CWF19L2: variants seen among roughly 807,000 people sequenced by gnomAD.
CWF19L2 encodes the protein CWF19 like cell cycle control factor 2, also known as CWF19-like protein 2.
CWF19L2 carries 98 observed loss-of-function variants against 111.7 expected under a neutral mutation model. The ratio of observed to expected loss-of-function variants is 0.88; its 90% confidence interval spans 0.75 to 1.04. The LOEUF (loss-of-function observed/expected upper bound fraction) is 1.04, where lower values mean the gene tolerates loss of function less well. Ranked by LOEUF, CWF19L2 falls within the 50% of genes least tolerant of loss-of-function variation. The probability of loss-of-function intolerance (pLI) is 0.00; values close to 1 mark genes in which losing one functional copy is unlikely to be tolerated. For missense variants in CWF19L2, 1,101 were observed against 1,051.4 expected (o/e 1.05, Z -0.65); for synonymous variants, 351 against 342.9 (o/e 1.02, Z -0.26).
chr11:107,352,809 C>A (rs1447808027), intron 13 of CWF19L2, among the ~76,000 whole-genome samples: 1 of 152,066 alleles, frequency 6.6e-6, no homozygotes, highest in Non-Finnish European at 1.5e-5. Context: ...ATACAATAAA[C>A]AACATAAATA....
At chr11:107,392,484 G>A (rs1048553320) in intron 11 of CWF19L2, among the ~76,000 whole-genome samples, 8 of 152,108 alleles carry the variant, frequency 5.3e-5, no homozygotes, top group Non-Finnish European at 1.2e-4. Context: ...AAGAGCTATA[G>A]CAAGTATGCC....
chr11:107,373,199 C>T lies in CWF19L2; in HGVS notation c.1872+16875G>A, dbSNP rs949536732. 7.7e-5 allele frequency among the ~76,000 whole-genome samples: 10 copies of T among 129,782 alleles called. 1 individual carries two copies. In the East Asian group the frequency reaches 2.2e-3, roughly 29 times the overall value. The allele number at this position is 129,782 out of a possible 152,430, so 85.1% of individuals were successfully genotyped here. A position where few individuals can be genotyped will look rare whatever the true frequency, so the allele number is the denominator to read the frequency against. On this transcript the variant is annotated intron_variant, in intron 12 of 17. Coordinates refer to ENST00000282251, the MANE Select transcript of CWF19L2 (RefSeq NM_152434.3). ...GGCGGCAGCGAGGCTAGGGGAGGGG[C>T]GCCTGCCATTGCCCAGGCTTGCTCA...
intron 13 of CWF19L2, 148 bp from the exon 14 acceptor site, chr11:107,349,201 CT>C: frequency 2.6e-6 from 1 of 387,746 alleles, no homozygotes; most frequent in Non-Finnish European, 4.7e-6. Context: ...TTAAGAATTG[CT>C]TTTGCAAATG....
chr11:107,398,149 T>G (rs1007312166), intron 10 of CWF19L2, among the ~76,000 whole-genome samples: 18 of 152,090 alleles, frequency 1.2e-4, no homozygotes, highest in Non-Finnish European at 2.1e-4. Flanking sequence ...TCACACTAGT[T>G]CGCCAGCAAT....
At chr11:107,330,357 T>TA (rs1274855333) in intron 16 of CWF19L2, among the ~76,000 whole-genome samples, 1 of 152,160 alleles carries the variant, frequency 6.6e-6, no homozygotes, top group Non-Finnish European at 1.5e-5. Flanking sequence ...AAATAGAGAA[T>TA]AAGTATATGC....
chr11:107,398,011 A>G (rs1860948748), intron 10 of CWF19L2, among the ~76,000 whole-genome samples: 1 of 152,182 alleles, frequency 6.6e-6, no homozygotes, highest in African/African-American at 2.4e-5. Flanking sequence ...AAAAGAATCT[A>G]AACAATAGCC....
At chr11:107,402,873 G>GTGTGTGTATATATATATATATA (rs1247886311) in intron 10 of CWF19L2, among the ~76,000 whole-genome samples, 9 of 94,452 alleles carry the variant, frequency 9.5e-5, no homozygotes, top group African/African-American at 4.3e-4. Context: ...ACTGTGGTGT[G>GTGTGTGTATATATATATATATA]TATATATATA....
intron 3 of CWF19L2, among the ~76,000 whole-genome samples, chr11:107,445,971 G>A (rs913902443): frequency 2.0e-5 from 3 of 152,152 alleles, no homozygotes; most frequent in Non-Finnish European, 4.4e-5. Flanking sequence ...AAAAAAAAGA[G>A]CATCTTCTTT....
In CWF19L2 at chr11:107,372,652, G is replaced by C. The variant is rs1315322181; in HGVS notation, c.1872+17422C>G. On this transcript the variant is annotated intron_variant, in intron 12 of 17. Transcript: ENST00000282251. ...CATTTTGAACAAAAAAATTATTCTG[G>C]TTTCAGTGAGATAAGAGTTAAGAAA... 2.9e-5 allele frequency among the ~76,000 whole-genome samples: 4 copies of C among 136,114 alleles called. 1 individual carries two copies. Among genetic ancestry groups the C allele is most frequent in the Non-Finnish European group, 4.7e-5 (3 of 63,834 alleles). The allele number at this position is 136,114 out of a possible 152,430, so 89.3% of individuals were successfully genotyped here. A position where few individuals can be genotyped will look rare whatever the true frequency, so the allele number is the denominator to read the frequency against.
chr11:107,411,770 C>T (rs1365616450), intron 10 of CWF19L2, among the ~76,000 whole-genome samples: 2 of 152,050 alleles, frequency 1.3e-5, no homozygotes, highest in Admixed American at 1.3e-4. Flanking sequence ...ATCAAAAACA[C>T]TGGTTTTTCT....
chr11:107,451,466 T>C (rs1449763540), intron 3 of CWF19L2, among the ~76,000 whole-genome samples: 5 of 150,650 alleles, frequency 3.3e-5, no homozygotes, highest in African/African-American at 9.9e-5. Context: ...ATCAATGAAA[T>C]AGAAAACACA....
At chr11:107,402,781 G>T (rs567303707) in intron 10 of CWF19L2, among the ~76,000 whole-genome samples, 1 of 149,826 alleles carries the variant, frequency 6.7e-6, no homozygotes, top group Non-Finnish European at 1.5e-5. Context: ...ACTTGTACAC[G>T]CATGTTTATT....
chr11:107,343,064 G>T (rs1860028364), intron 14 of CWF19L2, among the ~76,000 whole-genome samples: 1 of 152,160 alleles, frequency 6.6e-6, no homozygotes, highest in Non-Finnish European at 1.5e-5. Context: ...AGAACCATAA[G>T]AAAATACACT....
At chr11:107,368,744 T>G (rs976983236) in intron 12 of CWF19L2, among the ~76,000 whole-genome samples, 1 of 138,346 alleles carries the variant, frequency 7.2e-6, no homozygotes, top group Admixed American at 7.1e-5. Flanking sequence ...ATAGTCATTT[T>G]GAAAGGAAAT....
At chr11:107,343,846 A>G (rs1161872621) in intron 14 of CWF19L2, among the ~76,000 whole-genome samples, 1 of 152,138 alleles carries the variant, frequency 6.6e-6, no homozygotes, top group Non-Finnish European at 1.5e-5. Flanking sequence ...GAGACCCCTT[A>G]CTTCCCTTTA....
In CWF19L2 at chr11:107,374,164, G is replaced by A. The variant is rs1481855953; in HGVS notation, c.1872+15910C>T. ...TCGGATTGGTGTACCTGAAAGTGAC[G>A]GGGAGAATGGAACCAAGTTGGAAAA... On this transcript the variant is annotated intron_variant, in intron 12 of 17. Coordinates refer to ENST00000282251, the MANE Select transcript of CWF19L2 (RefSeq NM_152434.3). 5.3e-4 allele frequency among the ~76,000 whole-genome samples: 71 copies of A among 133,770 alleles called. 5 individuals are homozygous for A. Among genetic ancestry groups the A allele is most frequent in the East Asian group, 2.4e-3 (11 of 4,642 alleles). The allele number at this position is 133,770 out of a possible 152,430, so 87.8% of individuals were successfully genotyped here.
In CWF19L2 at chr11:107,335,037, T is replaced by G. The variant is rs1007568317; in HGVS notation, c.2359-76A>C. ...AAGAAACAGCTTATAACAAGTAATA[T>G]AGCAAATTAATTATGGGGTATATTA... On this transcript the variant is annotated intron_variant, in intron 15 of 17. Transcript: ENST00000282251. 3.4e-6 allele frequency: 3 copies of G among 877,870 alleles called. No homozygotes were observed. In the African/African-American group the frequency reaches 5.0e-5, roughly 15 times the overall value. 54.4% of individuals were successfully genotyped at this position (877,870 alleles called of 1,614,324 possible). A position where few individuals can be genotyped will look rare whatever the true frequency, so the allele number is the denominator to read the frequency against.
At chr11:107,441,201 T>A (rs1481936776) in intron 5 of CWF19L2, among the ~76,000 whole-genome samples, 4 of 152,174 alleles carry the variant, frequency 2.6e-5, no homozygotes, top group Admixed American at 1.3e-4. Context: ...TGGTGTCTAA[T>A]TCAGTATGTA....
chr11:107,338,316 T>C (rs1254796961), intron 14 of CWF19L2, among the ~76,000 whole-genome samples: 6 of 152,172 alleles, frequency 3.9e-5, no homozygotes, highest in African/African-American at 1.4e-4. Flanking sequence ...CCCCTTAATG[T>C]GTTCCTGATT....
Sources: gnomAD v4.1 joint callset for allele counts (sites outside exome capture counted in the v4.1 genomes callset) on GRCh38, gnomAD v4.1.1 for gene constraint, MANE v1.5 for transcripts, NCBI Gene and HGNC (gene_info 2026-07-23, HGNC 2026-07-21) for gene names.